Variants in HS6ST3 observed in about 807,000 individuals in gnomAD.
HS6ST3 encodes the protein heparan-sulfate 6-O-sulfotransferase 3.
HS6ST3 carries 12 observed loss-of-function variants against 36.7 expected under a neutral mutation model. The ratio of observed to expected loss-of-function variants is 0.33; its 90% CI spans 0.21 to 0.53. The LOEUF is 0.53. HS6ST3 is among the 20% of genes least tolerant of loss of function. The probability of loss-of-function intolerance (pLI) is 0.95; values close to 1 mark genes in which losing one functional copy is unlikely to be tolerated. For synonymous variants in HS6ST3, 240 were observed against 257.5 expected (o/e 0.93, Z 0.65); for missense variants, 584 against 640.9 (o/e 0.91, Z 0.96).
intron 1 of HS6ST3, among the ~76,000 whole-genome samples, chr13:96,721,684 G>T (rs1224541826): frequency 6.6e-6 from 1 of 152,128 alleles, no homozygotes; most frequent in South Asian, 2.1e-4. Context: ...TAAACACATA[G>T]GGCCAGATAT....
chr13:96,584,522 C>A (rs2056353764), intron 1 of HS6ST3, among the ~76,000 whole-genome samples: 1 of 152,150 alleles, frequency 6.6e-6, no homozygotes, highest in Non-Finnish European at 1.5e-5. Context: ...ACCAGTCTAT[C>A]CCAATTTTCT....
At chr13:96,720,760 T>C (rs1041383313) in intron 1 of HS6ST3, among the ~76,000 whole-genome samples, 26 of 152,242 alleles carry the variant, frequency 1.7e-4, no homozygotes, top group African/African-American at 6.0e-4. Flanking sequence ...TTATAATCCT[T>C]GTATCTTGAT....
At chr13:96,494,328 G>A (rs1400421672) in intron 1 of HS6ST3, among the ~76,000 whole-genome samples, 2 of 147,238 alleles carry the variant, frequency 1.4e-5, no homozygotes, top group African/African-American at 5.0e-5. Flanking sequence ...TCACTCATAG[G>A]TGGGAATTGA....
chr13:96,782,173 A>G (rs1157277304), intron 1 of HS6ST3, among the ~76,000 whole-genome samples: 3 of 152,146 alleles, frequency 2.0e-5, no homozygotes, highest in Non-Finnish European at 2.9e-5. Context: ...CAATTTACCA[A>G]TCTAGCCCAG....
rs67979751 is a variant in HS6ST3 at position 96,614,297 on chromosome 13, C to CAAAAAAAAAAAAAAAA, written c.708-218177_708-218162dup. On this transcript the variant is annotated intron_variant, in intron 1 of 1. Coordinates refer to ENST00000376705, the MANE Select transcript of HS6ST3 (RefSeq NM_153456.4). ...TGGGCAACAGAGCAAGGATCCATCT[C>CAAAAAAAAAAAAAAAA]AAAAAAAAAAAAAAAAAAAAAAAAA... Among the ~76,000 whole-genome samples, 8 of 43,972 alleles carry CAAAAAAAAAAAAAAAA rather than the reference C, an allele frequency of 1.8e-4. 1 individual carries two copies. Among genetic ancestry groups the CAAAAAAAAAAAAAAAA allele is most frequent in the Non-Finnish European group, 1.5e-4 (4 of 26,534 alleles). The allele number at this position is 43,972 out of a possible 152,430, so 28.8% of individuals were successfully genotyped here.
At chr13:96,369,311 G>C (rs1438137260) in intron 1 of HS6ST3, among the ~76,000 whole-genome samples, 2 of 152,100 alleles carry the variant, frequency 1.3e-5, no homozygotes, top group Non-Finnish European at 2.9e-5. Context: ...CTGCAGGACA[G>C]TGTGCAGACA....
At chr13:96,736,290 A>G (rs1475974589) in intron 1 of HS6ST3, among the ~76,000 whole-genome samples, 1 of 152,206 alleles carries the variant, frequency 6.6e-6, no homozygotes, top group Non-Finnish European at 1.5e-5. Context: ...AGGATGGGCA[A>G]AGACACCCCA....
chr13:96,291,382 G>T (rs2054829132), intron 1 of HS6ST3, among the ~76,000 whole-genome samples: 1 of 152,148 alleles, frequency 6.6e-6, no homozygotes, highest in African/African-American at 2.4e-5. Flanking sequence ...AACAGAGTGA[G>T]GCACTCTTGA....
intron 1 of HS6ST3, among the ~76,000 whole-genome samples, chr13:96,641,696 G>A (rs1366819067): frequency 2.0e-5 from 3 of 151,296 alleles, no homozygotes; most frequent in Admixed American, 6.6e-5. Flanking sequence ...GTTGCCCTGA[G>A]GATTATAATT....
intron 1 of HS6ST3, among the ~76,000 whole-genome samples, chr13:96,188,514 T>A (rs903258864): frequency 3.9e-5 from 6 of 152,148 alleles, no homozygotes; most frequent in Admixed American, 2.6e-4. Context: ...AAAATCTTGA[T>A]CAACTTAATC....
At chr13:96,724,555 T>C (rs1231779586) in intron 1 of HS6ST3, among the ~76,000 whole-genome samples, 1 of 152,214 alleles carries the variant, frequency 6.6e-6, no homozygotes, top group African/African-American at 2.4e-5. Flanking sequence ...TAGCAAACAC[T>C]CATCTGCTTT....
At chr13:96,226,524 AAAT>A (rs560161304) in intron 1 of HS6ST3, among the ~76,000 whole-genome samples, 2 of 152,102 alleles carry the variant, frequency 1.3e-5, no homozygotes, top group African/African-American at 2.4e-5. Flanking sequence ...CCATCTCAAA[AAAT>A]AATAATAATA....
chr13:96,776,760 G>A (rs1877395861), intron 1 of HS6ST3, among the ~76,000 whole-genome samples: 1 of 152,158 alleles, frequency 6.6e-6, no homozygotes, highest in Non-Finnish European at 1.5e-5. Context: ...TCTACCAGAT[G>A]TACAAAGAGG....
chr13:96,246,622 C>G (rs1485001813), intron 1 of HS6ST3, among the ~76,000 whole-genome samples: 1 of 152,154 alleles, frequency 6.6e-6, no homozygotes, highest in Non-Finnish European at 1.5e-5. Flanking sequence ...CTGGTAGCTT[C>G]TCTAAATTCC....
intron 1 of HS6ST3, among the ~76,000 whole-genome samples, chr13:96,805,494 T>C (rs902549700): frequency 3.9e-5 from 6 of 152,220 alleles, no homozygotes. Context: ...TATAATGGAC[T>C]AATACAGTGA....
intron 1 of HS6ST3, among the ~76,000 whole-genome samples, chr13:96,364,526 G>T (rs1251845731): frequency 6.6e-6 from 1 of 152,168 alleles, no homozygotes; most frequent in Non-Finnish European, 1.5e-5. Context: ...AGTATTGTAT[G>T]ATTCCACTAT....
intron 1 of HS6ST3, among the ~76,000 whole-genome samples, chr13:96,724,873 G>A (rs762334781): frequency 6.6e-6 from 1 of 152,114 alleles, no homozygotes; most frequent in African/African-American, 2.4e-5. Flanking sequence ...TATTTCTCTT[G>A]AATAAATACC....
At chr13:96,734,181 T>C (rs949924528) in intron 1 of HS6ST3, among the ~76,000 whole-genome samples, 9 of 152,252 alleles carry the variant, frequency 5.9e-5, no homozygotes, top group Non-Finnish European at 8.8e-5. Flanking sequence ...TTTCAGTGCA[T>C]GCTGGCAGTG....
At chr13:96,255,652 C>G (rs1037660625) in intron 1 of HS6ST3, among the ~76,000 whole-genome samples, 1 of 152,112 alleles carries the variant, frequency 6.6e-6, no homozygotes, top group Non-Finnish European at 1.5e-5. Flanking sequence ...TGTGGACTTT[C>G]ATGGAGACTT....
Sources: allele counts gnomAD v4.1 joint callset (sites outside exome capture counted in the v4.1 genomes callset), GRCh38; gene constraint gnomAD v4.1.1; transcripts MANE v1.5; gene names NCBI Gene and HGNC (gene_info 2026-07-23, HGNC 2026-07-21).